LDB2: variants seen among roughly 807,000 people sequenced by gnomAD.
The protein encoded by LDB2 is LIM domain-binding protein 2.
A neutral mutation model predicts 44.3 loss-of-function variants in LDB2; 12 were observed. That is an observed-to-expected ratio of 0.27 (90% confidence interval 0.17 to 0.44). LDB2 has a LOEUF of 0.44. LDB2 is among the 20% of genes least tolerant of loss of function. LDB2 has a pLI of 1.00. For missense variants in LDB2, 344 were observed against 473.5 expected (o/e 0.73, Z 2.54); for synonymous variants, 164 against 174.8 (o/e 0.94, Z 0.49).
intron 1 of LDB2, among the ~76,000 whole-genome samples, chr4:16,776,941 C>T (rs147335117): frequency 6.6e-6 from 1 of 152,322 alleles, no homozygotes; most frequent in Admixed American, 6.5e-5. Context: ...TGTTCAGCAG[C>T]ATCTCTGCCC....
chr4:16,503,252 A>C, intron 7 of LDB2: 1 of 956,216 alleles, frequency 1.0e-6, no homozygotes, highest in Non-Finnish European at 1.6e-6. Context: ...AATACCTCCA[A>C]AAATCTGCCA....
chr4:16,778,738 A>G (rs1772515074), intron 1 of LDB2, among the ~76,000 whole-genome samples: 1 of 152,198 alleles, frequency 6.6e-6, no homozygotes, highest in Non-Finnish European at 1.5e-5. Context: ...TAATCATCAC[A>G]ATTATTTAAG....
intron 1 of LDB2, among the ~76,000 whole-genome samples, chr4:16,825,967 A>G (rs1010942303): frequency 4.0e-5 from 6 of 151,786 alleles, no homozygotes; most frequent in African/African-American, 1.4e-4. Flanking sequence ...ATAATACGTC[A>G]TGTATATTCA....
intron 5 of LDB2, among the ~76,000 whole-genome samples, chr4:16,522,386 A>T (rs915847936): frequency 6.6e-6 from 1 of 151,632 alleles, no homozygotes; most frequent in African/African-American, 2.4e-5. Flanking sequence ...AAAATAATGG[A>T]TGGTTGTGTC....
chr4:16,574,039 T>G (rs1292496619), intron 5 of LDB2, among the ~76,000 whole-genome samples: 1 of 152,184 alleles, frequency 6.6e-6, no homozygotes, highest in Non-Finnish European at 1.5e-5. Flanking sequence ...ATGGAGGTCA[T>G]TTTCCAAAGC....
chr4:16,567,033 G>A (rs955795728), intron 5 of LDB2, among the ~76,000 whole-genome samples: 1 of 152,204 alleles, frequency 6.6e-6, no homozygotes, highest in Non-Finnish European at 1.5e-5. Flanking sequence ...TGCTGCTGGT[G>A]TAACTGAAAC....
chr4:16,649,486 C>T (rs1456413335), intron 2 of LDB2, among the ~76,000 whole-genome samples: 2 of 152,196 alleles, frequency 1.3e-5, no homozygotes, highest in African/African-American at 4.8e-5. Context: ...TACATACCTT[C>T]TACATTTGAG....
At chr4:16,814,104 T>C (rs1780456369) in intron 1 of LDB2, among the ~76,000 whole-genome samples, 1 of 152,138 alleles carries the variant, frequency 6.6e-6, no homozygotes, top group Admixed American at 6.5e-5. Context: ...TCTCCTGACC[T>C]CGTGATCCGC....
At chr4:16,821,760 A>AAAAAAAAAT (rs1782107845) in intron 1 of LDB2, among the ~76,000 whole-genome samples, 1 of 149,750 alleles carries the variant, frequency 6.7e-6, no homozygotes, top group Non-Finnish European at 1.5e-5. Flanking sequence ...AAAAAAAAAA[A>AAAAAAAAAT]AAAAAAAAAA....
chr4:16,760,209 A>T (rs1298101397), intron 1 of LDB2, among the ~76,000 whole-genome samples: 1 of 152,180 alleles, frequency 6.6e-6, no homozygotes, highest in Non-Finnish European at 1.5e-5. Flanking sequence ...TGTCAGATGG[A>T]AGGGGAGATA....
chr4:16,786,410 T>C (rs1450193974), intron 1 of LDB2, among the ~76,000 whole-genome samples: 1 of 152,232 alleles, frequency 6.6e-6, no homozygotes, highest in Non-Finnish European at 1.5e-5. Context: ...TTTCAGCTGT[T>C]GTGCTCACTG....
intron 1 of LDB2, among the ~76,000 whole-genome samples, chr4:16,868,810 G>A (rs1252260903): frequency 3.3e-5 from 5 of 152,132 alleles, no homozygotes; most frequent in African/African-American, 9.7e-5. Flanking sequence ...TGATGATGAC[G>A]ATAATGGTGG....
chr4:16,862,141 G>A (rs1425805728), intron 1 of LDB2, among the ~76,000 whole-genome samples: 1 of 152,126 alleles, frequency 6.6e-6, no homozygotes, highest in Non-Finnish European at 1.5e-5. Context: ...ACAAGAATGG[G>A]CACAATCTCT....
intron 1 of LDB2, among the ~76,000 whole-genome samples, chr4:16,847,144 TA>T (rs536562602): frequency 6.6e-6 from 1 of 152,208 alleles, no homozygotes; most frequent in Non-Finnish European, 1.5e-5. Flanking sequence ...TATGGCAAGA[TA>T]AAAACATTTC....
intron 5 of LDB2, among the ~76,000 whole-genome samples, chr4:16,576,982 C>T (rs1246795728): frequency 6.6e-6 from 1 of 152,124 alleles, no homozygotes; most frequent in African/African-American, 2.4e-5. Context: ...GGACGAAAGC[C>T]ATACGATCAT....
At chr4:16,515,829 ATTAT>A (rs138329564) in intron 5 of LDB2, among the ~76,000 whole-genome samples, 76,138 of 149,936 alleles carry the variant, frequency 0.51, 19,797 homozygotes, top group Middle Eastern at 0.61. Context: ...CTAGGTATGG[ATTAT>A]TTATTTATTT....
At chr4:16,798,240 C>A (rs745394303) in intron 1 of LDB2, among the ~76,000 whole-genome samples, 4 of 151,976 alleles carry the variant, frequency 2.6e-5, no homozygotes, top group Non-Finnish European at 5.9e-5. Context: ...TGTGTCCTTT[C>A]TCTGCATTGT....
chr4:16,886,176 G>C (rs922063212), intron 1 of LDB2, among the ~76,000 whole-genome samples: 14 of 151,898 alleles, frequency 9.2e-5, no homozygotes, highest in African/African-American at 3.4e-4. Flanking sequence ...TTCTGATGGA[G>C]CCACCGCACT....
At chr4:16,696,627 A>G (rs1277249429) in intron 2 of LDB2, among the ~76,000 whole-genome samples, 2 of 152,124 alleles carry the variant, frequency 1.3e-5, no homozygotes, top group Non-Finnish European at 2.9e-5. Flanking sequence ...TACTCTCTCT[A>G]TTGTAAACTG....
Sources: gnomAD v4.1 joint callset for allele counts (sites outside exome capture counted in the v4.1 genomes callset) on GRCh38, gnomAD v4.1.1 for gene constraint, MANE v1.5 for transcripts, NCBI Gene and HGNC (gene_info 2026-07-23, HGNC 2026-07-21) for gene names.